The following FAM98B variants were observed in gnomAD, a reference collection of about 807,000 sequenced individuals.
FAM98B encodes the protein tRNA splicing ligase complex subunit 3B.
In FAM98B, 32 loss-of-function variants were observed where a neutral mutation model predicts 43.9. The observed-to-expected ratio is 0.73, with a 90% CI of 0.55 to 0.98. FAM98B has a LOEUF of 0.98. Among genes scored for constraint, FAM98B ranks in the 50% least tolerant of loss-of-function variants. The pLI is 0.00. For missense variants in FAM98B, 514 were observed against 522.9 expected, an observed-to-expected ratio of 0.98 and a Z score of 0.17; for synonymous variants, 190 against 174.0, an observed-to-expected ratio of 1.09 and a Z score of -0.72.
intron 3 of FAM98B, among the ~76,000 whole-genome samples, chr15:38,466,419 A>G (rs989427379): frequency 4.6e-5 from 7 of 152,142 alleles, no homozygotes; most frequent in African/African-American, 1.7e-4. Context: ...GGAACCTAGG[A>G]AACACCGGCT....
At chr15:38,465,505 G>A (rs1890016156) in intron 3 of FAM98B, 102 bp downstream of exon 3, 2 of 1,095,696 alleles carry the variant, frequency 1.8e-6, no homozygotes, top group Admixed American at 2.9e-5. Context: ...TATATTAAAA[G>A]GGTTTTAATA....
chr15:38,481,385 C>G lies in FAM98B; in HGVS notation c.823C>G (p.Arg275Gly), dbSNP rs771907405. The G allele has an allele frequency of 6.8e-6, 11 of 1,613,980 alleles. No homozygotes were observed. The highest frequency in any genetic ancestry group is 9.3e-6 in the Non-Finnish European group (11 of 1,180,024). Reference sequence around the variant, plus strand: ...TACAATGGCACATCTACTTGCTGCTCGTGAAGATCTATCCAAGATCATTAG... The same window carrying G: ...TACAATGGCACATCTACTTGCTGCTGGTGAAGATCTATCCAAGATCATTAG... ...TITMAHLLAA[R>G]EDLSKIIRTS... Residue 275 changes from arginine to glycine, a missense_variant, in exon 7 of 8, where the codon CGT (arginine) becomes GGT (glycine). This residue lies in a region of FAM98B where 469 missense variants were observed against 451.8 expected (regional missense o/e 1.04). Coordinates refer to ENST00000397609, the MANE Select transcript of FAM98B (RefSeq NM_173611.4).
intron 6 of FAM98B, among the ~76,000 whole-genome samples, chr15:38,474,603 G>C (rs62002941): frequency 0.011 from 1,741 of 152,346 alleles, 20 homozygotes; most frequent in Non-Finnish European, 0.019. Context: ...AGCAGTGTAA[G>C]AAGAAAGCAG....
chr15:38,469,511 C>G (rs1890091257), intron 3 of FAM98B, among the ~76,000 whole-genome samples: 1 of 152,100 alleles, frequency 6.6e-6, no homozygotes, highest in African/African-American at 2.4e-5. Context: ...GGTGGTGGGT[C>G]TCAACTACTG....
At chr15:38,456,367 A>G (rs959769826) in intron 1 of FAM98B, among the ~76,000 whole-genome samples, 1 of 152,272 alleles carries the variant, frequency 6.6e-6, no homozygotes, top group African/African-American at 2.4e-5. Flanking sequence ...TGACCGAATC[A>G]TAATCTTCAG....
At chr15:38,467,367 TG>T (rs1890052192) in intron 3 of FAM98B, among the ~76,000 whole-genome samples, 2 of 152,184 alleles carry the variant, frequency 1.3e-5, no homozygotes, top group African/African-American at 4.8e-5. Flanking sequence ...AAAAATCCAC[TG>T]GGAAAATGTG....
intron 1 of FAM98B, among the ~76,000 whole-genome samples, chr15:38,457,188 T>A (rs545708867): frequency 4.6e-5 from 7 of 152,320 alleles, no homozygotes; most frequent in Admixed American, 1.3e-4. Flanking sequence ...CTCTTTATTT[T>A]AAAAAATTTT....
At chr15:38,455,732 T>C (rs1186426700) in intron 1 of FAM98B, among the ~76,000 whole-genome samples, 1 of 152,228 alleles carries the variant, frequency 6.6e-6, no homozygotes, top group Non-Finnish European at 1.5e-5. Context: ...AAATGGTTTA[T>C]GAAAAAGGAA....
Position 38,486,472 on chromosome 15 carries a change from A to G in FAM98B, c.*1813A>G, listed in dbSNP as rs1890374140. ...TAGTTGCTGATGAAGGAGATTTACA[A>G]CTACTTTCAACTTTTTTACCACTAA... On this transcript the variant is annotated 3_prime_UTR_variant, in exon 8 of 8. Coordinates refer to ENST00000397609, the MANE Select transcript of FAM98B (RefSeq NM_173611.4). The G allele has an allele frequency of 6.6e-6, 1 of 152,136 alleles. No homozygotes were observed. The highest frequency in any genetic ancestry group is 2.4e-5 in the African/African-American group (1 of 41,460). 9.4% of individuals were successfully genotyped at this position (152,136 alleles called of 1,614,324 possible).
Position 38,484,680 on chromosome 15 carries a change from C to A in FAM98B, c.*21C>A. The A allele has an allele frequency of 6.6e-7, 1 of 1,506,884 alleles. No homozygotes were observed. Among genetic ancestry groups the A allele is most frequent in the Non-Finnish European group, 8.8e-7 (1 of 1,135,036 alleles). 93.3% of individuals were successfully genotyped at this position (1,506,884 alleles called of 1,614,324 possible). On this transcript the variant is annotated 3_prime_UTR_variant, in exon 8 of 8. Coordinates refer to ENST00000397609, the MANE Select transcript of FAM98B (RefSeq NM_173611.4). ...ACTAAAAACTATAAAAATTAGATAGCAGTGCTTGCTTCTTTATAGATACAT... is the reference window on the plus strand; with the variant it reads ...ACTAAAAACTATAAAAATTAGATAGAAGTGCTTGCTTCTTTATAGATACAT...
chr15:38,458,924 GT>G (rs1889898624), intron 1 of FAM98B: 1 of 429,656 alleles, frequency 2.3e-6, no homozygotes, highest in South Asian at 2.0e-5. Context: ...CAGGATGAGG[GT>G]TTTCCTCAGG....
At position 38,484,354 on chromosome 15, in the gene FAM98B, G is replaced by T; in HGVS notation, c.997G>T (p.Gly333Cys). The change falls in exon 8 of 8, where the codon GGT (glycine) becomes TGT (cysteine). Residue 333 changes from glycine (G) to cysteine (C), a missense_variant. Around this residue, in one of 2 missense-constraint regions of FAM98B, gnomAD observed 469 missense variants for 451.8 expected, o/e 1.04. Transcript: ENST00000397609. Reference sequence around the variant, plus strand: ...TTGGCAAAAGAGACAAGAAGGCGGCGGTGGAAGGGGTGGTTGGGGTGGTGG... The same window carrying T: ...TTGGCAAAAGAGACAAGAAGGCGGCTGTGGAAGGGGTGGTTGGGGTGGTGG... ...PPWQKRQEGGGGRGGWGGGGG... is the reference protein window; with the variant it reads ...PPWQKRQEGGCGRGGWGGGGG... 1 of 1,533,940 alleles carries T rather than the reference G, an allele frequency of 6.5e-7. No homozygotes were observed. Among genetic ancestry groups the T allele is most frequent in the Non-Finnish European group, 8.8e-7 (1 of 1,141,628 alleles).
intron 3 of FAM98B, among the ~76,000 whole-genome samples, chr15:38,465,963 A>G (rs372939015): frequency 3.3e-5 from 5 of 152,226 alleles, no homozygotes; most frequent in African/African-American, 1.2e-4. Context: ...TAGTAGGTCC[A>G]TGTTTGTGTT....
intron 4 of FAM98B, chr15:38,470,738 A>G (rs1436980570): frequency 1.2e-5 from 2 of 170,310 alleles, no homozygotes; most frequent in African/African-American, 4.7e-5. Flanking sequence ...AAGTAGAGTT[A>G]TCCTACAAAG....
chr15:38,460,224 A>G (rs1301600552), intron 1 of FAM98B, among the ~76,000 whole-genome samples: 2 of 152,232 alleles, frequency 1.3e-5, no homozygotes, highest in South Asian at 2.1e-4. Context: ...CTAAGAATAT[A>G]TAGAACAAAC....
intron 1 of FAM98B, among the ~76,000 whole-genome samples, chr15:38,462,257 C>T (rs189320129): frequency 4.6e-5 from 7 of 152,010 alleles, no homozygotes; most frequent in Non-Finnish European, 1.0e-4. Flanking sequence ...GAAGGACAAC[C>T]CCAAACTAAT....
In FAM98B at chr15:38,463,146, G is replaced by A. The variant is rs146783765; in HGVS notation, c.72-886G>A. Among the ~76,000 whole-genome samples, 74 of 152,262 alleles carry A rather than the reference G, an allele frequency of 4.9e-4. 1 individual carries two copies. The highest frequency in any genetic ancestry group is 2.8e-3 in the Admixed American group (43 of 15,298). On this transcript the variant is annotated intron_variant, in intron 1 of 7. Coordinates refer to ENST00000397609, the MANE Select transcript of FAM98B (RefSeq NM_173611.4). ...GTTAAGATAGTATATAAAGTGTTTT[G>A]AAAATTTAAGATTCTTGTGAAATAC...
chr15:38,473,638 C>A, intron 5 of FAM98B, 53 bp downstream of exon 5: 1 of 1,380,334 alleles, frequency 7.2e-7, no homozygotes, highest in Non-Finnish European at 1.0e-6. Flanking sequence ...GTGAATATGA[C>A]TTAATTTTAT....
chr15:38,476,706 T>C (rs1435079026), intron 6 of FAM98B, among the ~76,000 whole-genome samples: 1 of 150,168 alleles, frequency 6.7e-6, no homozygotes, highest in Non-Finnish European at 1.5e-5. Flanking sequence ...AACTTTGCTT[T>C]TTTTTTTTTT....
Sources: gnomAD v4.1 joint callset for allele counts (sites outside exome capture counted in the v4.1 genomes callset) on GRCh38, gnomAD v4.1.1 for gene constraint, gnomAD v4.1.1 regional missense constraint, MANE v1.5 for transcripts, NCBI Gene and HGNC (gene_info 2026-07-23, HGNC 2026-07-21) for gene names.